Variants in EYA1 observed in about 807,000 individuals in gnomAD.
EYA1 encodes the protein protein phosphatase EYA1.
Under a neutral mutation model 82.0 loss-of-function variants are expected in EYA1, and 16 were observed. That is an observed-to-expected ratio of 0.20 (90% CI 0.13 to 0.30). The LOEUF is 0.30. Among genes scored for constraint, EYA1 ranks in the 10% least tolerant of loss-of-function variants. The pLI is 1.00. For synonymous variants in EYA1, 261 were observed against 264.4 expected (o/e 0.99, Z 0.12); for missense variants, 633 against 730.7 (o/e 0.87, Z 1.54).
chr8:71,202,303 A>AATTTCATAG (rs1309877750), intron 17 of EYA1, among the ~76,000 whole-genome samples: 1 of 152,174 alleles, frequency 6.6e-6, no homozygotes, highest in East Asian at 1.9e-4. Context: ...GTGGGCATTT[A>AATTTCATAG]ATTTCATAGT....
intron 12 of EYA1, among the ~76,000 whole-genome samples, chr8:71,239,301 A>G (rs553749278): frequency 3.9e-5 from 6 of 152,186 alleles, no homozygotes; most frequent in Non-Finnish European, 5.9e-5. Flanking sequence ...TTGTCAACTA[A>G]GGAAATGCAC....
chr8:71,406,900 T>G (rs1167651449), intron 2 of EYA1, among the ~76,000 whole-genome samples: 1 of 145,550 alleles, frequency 6.9e-6, no homozygotes, highest in African/African-American at 2.5e-5. Flanking sequence ...CCTGCCTCTG[T>G]AGGCTCCACC....
intron 3 of EYA1, 66 bp downstream of exon 3, chr8:71,354,716 A>G (rs1156908710): frequency 2.0e-6 from 3 of 1,510,784 alleles, no homozygotes; most frequent in South Asian, 2.3e-5. Flanking sequence ...ATAACCACCT[A>G]ATAACAAAGC....
chr8:71,498,488 A>G (rs1052697805), intron 2 of EYA1, among the ~76,000 whole-genome samples: 1 of 152,192 alleles, frequency 6.6e-6, no homozygotes, highest in East Asian at 1.9e-4. Context: ...CTAGATGTTA[A>G]TATTTTCACA....
At chr8:71,279,510 A>G (rs1817579067) in intron 9 of EYA1, among the ~76,000 whole-genome samples, 1 of 152,252 alleles carries the variant, frequency 6.6e-6, no homozygotes, top group African/African-American at 2.4e-5. Context: ...CAGATGCATC[A>G]AATTTGATGA....
rs563886267 is a variant in EYA1 at position 71,380,614 on chromosome 8, C to T, written c.34-24103G>A. Among the ~76,000 whole-genome samples, 14 of 152,302 alleles carry T rather than the reference C, an allele frequency of 9.2e-5. No homozygotes were observed. The South Asian group carries it at 2.3e-3, about 25-fold the overall frequency. On this transcript the variant is annotated intron_variant, in intron 2 of 18. Transcript: ENST00000643681. ...GCTCCCTGGCCTGGAATGTCCAGCC[C>T]CTACTGTCTTTCAAAGTTTAACTTA...
At chr8:71,354,737 GAAGAAACAAGGTGC>G in intron 3 of EYA1, 31 bp downstream of exon 3, 1 of 1,596,186 alleles carries the variant, frequency 6.3e-7, no homozygotes, top group Non-Finnish European at 8.6e-7. Flanking sequence ...ATATACTGAT[GAAGAAACAAGGTGC>G]AAAGTAAATA....
chr8:71,358,836 A>G (rs1451476891), intron 1 of EYA1, among the ~76,000 whole-genome samples: 2 of 152,092 alleles, frequency 1.3e-5, no homozygotes, highest in African/African-American at 2.4e-5. Flanking sequence ...TTTTGAAAAT[A>G]ATTAATTAGG....
Position 71,244,672 on chromosome 8 carries a change from G to A in EYA1, c.1071C>T (p.Ser357=), listed in dbSNP as rs144029865. 1.2e-6 allele frequency: 2 copies of A among 1,606,268 alleles called. No homozygotes were observed. Among genetic ancestry groups the A allele is most frequent in the Non-Finnish European group, 1.7e-6 (2 of 1,173,252 alleles). Residue 357 remains serine, a synonymous_variant, in exon 12 of 18, where the codon TCC becomes TCT. Coordinates refer to ENST00000340726, the MANE Select transcript of EYA1 (RefSeq NM_000503.6). ...RYGRDPPTSV[S]LGLRMEEMIF... is the part of the protein sequence containing the mutation. The stretch of plus-strand genomic sequence containing the variant: ...TCATTTCTTCCATTCGCAGTCCAAG[G>A]GAAACTGAAGTGGGTGGATCCTAAA...
chr8:71,285,896 T>A (rs58547744), intron 9 of EYA1, among the ~76,000 whole-genome samples: 4,787 of 152,306 alleles, frequency 0.031, 252 homozygotes, highest in African/African-American at 0.11. Flanking sequence ...ATAATTGATA[T>A]CCCACTTTTC....
chr8:71,476,068 C>CA (rs1181659264), intron 2 of EYA1, among the ~76,000 whole-genome samples: 1 of 152,132 alleles, frequency 6.6e-6, no homozygotes, highest in African/African-American at 2.4e-5. Context: ...AATGAACTAG[C>CA]ATGGGCTTAG....
At chr8:71,455,870 C>T (rs1807852060) in intron 2 of EYA1, among the ~76,000 whole-genome samples, 1 of 152,106 alleles carries the variant, frequency 6.6e-6, no homozygotes, top group South Asian at 2.1e-4. Context: ...CCTGTCTCAC[C>T]ACTCCTATTC....
intron 9 of EYA1, among the ~76,000 whole-genome samples, chr8:71,284,981 CAT>C (rs928542476): frequency 6.6e-6 from 1 of 152,200 alleles, no homozygotes; most frequent in Non-Finnish European, 1.5e-5. Context: ...TGGCTGTACA[CAT>C]AGTTTTCTTT....
chr8:71,248,030 T>C (rs1000949827), intron 11 of EYA1, among the ~76,000 whole-genome samples: 13 of 152,242 alleles, frequency 8.5e-5, no homozygotes, highest in Non-Finnish European at 1.5e-5. Flanking sequence ...ACTCTATTGT[T>C]CGTTAATATA....
At chr8:71,274,000 T>C (rs1278392279) in intron 9 of EYA1, among the ~76,000 whole-genome samples, 1 of 152,236 alleles carries the variant, frequency 6.6e-6, no homozygotes, top group Non-Finnish European at 1.5e-5. Flanking sequence ...ACTCAATCTT[T>C]TAAAATATAT....
intron 1 of EYA1, among the ~76,000 whole-genome samples, chr8:71,357,594 T>C (rs1051230440): frequency 2.0e-5 from 3 of 152,208 alleles, no homozygotes; most frequent in Admixed American, 6.5e-5. Flanking sequence ...AGAACAAAGA[T>C]GAGAACTAAA....
At chr8:71,339,241 C>T (rs755586378) in intron 3 of EYA1, among the ~76,000 whole-genome samples, 5 of 152,170 alleles carry the variant, frequency 3.3e-5, no homozygotes, top group Admixed American at 2.0e-4. Context: ...GAGCCAGCCA[C>T]GTCTAGCTCC....
chr8:71,453,516 G>T (rs1398601651), intron 2 of EYA1, among the ~76,000 whole-genome samples: 2 of 152,212 alleles, frequency 1.3e-5, no homozygotes, highest in Non-Finnish European at 2.9e-5. Context: ...AGGGCAGGCA[G>T]AAAGAAAGGT....
chr8:71,211,310 A>G (rs1563622299), intron 16 of EYA1, 54 bp from the exon 17 acceptor site: 4 of 1,155,250 alleles, frequency 3.5e-6, no homozygotes, highest in Non-Finnish European at 5.2e-6. Context: ...ACCTAATGTG[A>G]CAGTGCTTGA....
Sources: allele counts gnomAD v4.1 joint callset (sites outside exome capture counted in the v4.1 genomes callset), GRCh38; gene constraint gnomAD v4.1.1; transcripts MANE v1.5; gene names NCBI Gene and HGNC (gene_info 2026-07-23, HGNC 2026-07-21).